ADGRL4: variants seen among roughly 807,000 people sequenced by gnomAD.
ADGRL4 encodes the protein adhesion G protein-coupled receptor L4.
Under a neutral mutation model 74.8 loss-of-function variants are expected in ADGRL4, and 90 were observed. The ratio of observed to expected loss-of-function variants is 1.20; its 90% CI spans 1.02 to 1.43. The LOEUF (loss-of-function observed/expected upper bound fraction) is 1.43. ADGRL4 is among the 40% of genes most tolerant of loss of function. The pLI is 0.00. For missense variants in ADGRL4, 881 were observed against 814.3 expected, an observed-to-expected ratio of 1.08 and a Z score of -1.00; for synonymous variants, 311 against 279.2, an observed-to-expected ratio of 1.11 and a Z score of -1.14.
chr1:78,989,995 G>C (rs1158351750), intron 2 of ADGRL4, among the ~76,000 whole-genome samples: 1 of 151,812 alleles, frequency 6.6e-6, no homozygotes, highest in African/African-American at 2.4e-5. Context: ...ACAATAAGCT[G>C]TAATTCTACT....
At chr1:78,988,990 T>C (rs768388102) in intron 2 of ADGRL4, among the ~76,000 whole-genome samples, 2 of 151,836 alleles carry the variant, frequency 1.3e-5, no homozygotes, top group Non-Finnish European at 2.9e-5. Context: ...ACTTCATATA[T>C]ACTAAAATCT....
Position 78,979,182 on chromosome 1 carries a change from C to T in ADGRL4, c.172+25888G>A, listed in dbSNP as rs142155434. ...CCTTCAAAAATAAACATTGTTTACG[C>T]AGTCATGAGATCTATATTCCTAAAA... is the stretch of plus-strand genomic sequence containing the variant. On this transcript the variant is annotated intron_variant, in intron 2 of 14. Coordinates refer to ENST00000370742, the MANE Select transcript of ADGRL4 (RefSeq NM_022159.4). 3.8e-3 allele frequency among the ~76,000 whole-genome samples: 571 copies of T among 152,032 alleles called. 6 individuals are homozygous for T. Among genetic ancestry groups the T allele is most frequent in the African/African-American group, 0.013 (546 of 41,512 alleles).
At chr1:78,916,016 C>G (rs1648862199) in intron 12 of ADGRL4, among the ~76,000 whole-genome samples, 1 of 151,742 alleles carries the variant, frequency 6.6e-6, no homozygotes, top group Non-Finnish European at 1.5e-5. Context: ...CATACAGAGA[C>G]TGTATGGGAG....
At chr1:78,962,159 G>C (rs956333870) in intron 2 of ADGRL4, among the ~76,000 whole-genome samples, 1 of 152,138 alleles carries the variant, frequency 6.6e-6, no homozygotes, top group African/African-American at 2.4e-5. Flanking sequence ...GGGATTACAG[G>C]CATGAGCCAC....
chr1:79,001,523 CTA>C (rs1381576350), intron 2 of ADGRL4, among the ~76,000 whole-genome samples: 1 of 152,092 alleles, frequency 6.6e-6, no homozygotes, highest in Non-Finnish European at 1.5e-5. Context: ...TTGATAAACT[CTA>C]TATTCTGGGT....
intron 8 of ADGRL4, among the ~76,000 whole-genome samples, chr1:78,925,909 T>C (rs141974724): frequency 7.0e-4 from 106 of 152,174 alleles, no homozygotes; most frequent in African/African-American, 2.4e-3. Context: ...AAAACGTCTT[T>C]TGCATTTAGC....
chr1:78,906,717 G>A (rs978866923), intron 12 of ADGRL4, among the ~76,000 whole-genome samples: 1 of 151,866 alleles, frequency 6.6e-6, no homozygotes, highest in Admixed American at 6.6e-5. Context: ...CATTTCAAAG[G>A]AAGTTTATAA....
rs886779831 is a variant in ADGRL4 at position 78,986,967 on chromosome 1, G to A, written c.172+18103C>T. On this transcript the variant is annotated intron_variant, in intron 2 of 14. Coordinates refer to ENST00000370742, the MANE Select transcript of ADGRL4 (RefSeq NM_022159.4). ...AAAGCATATATATCATGAAACTAACGAGGTATGTCATGAAACAAAGTAGAT... is the reference window on the plus strand; with the variant it reads ...AAAGCATATATATCATGAAACTAACAAGGTATGTCATGAAACAAAGTAGAT... Among the ~76,000 whole-genome samples the A allele has an allele frequency of 2.6e-5, 4 of 151,716 alleles. No individual in the cohort carries two copies. In the East Asian group the frequency reaches 7.7e-4, roughly 29 times the overall value.
chr1:78,905,202 A>G (rs1382695923), intron 12 of ADGRL4, among the ~76,000 whole-genome samples: 1 of 152,084 alleles, frequency 6.6e-6, no homozygotes, highest in African/African-American at 2.4e-5. Flanking sequence ...GAGTAAGTTG[A>G]GCATTTATCA....
At chr1:78,958,884 T>G (rs1012362741) in intron 2 of ADGRL4, among the ~76,000 whole-genome samples, 1 of 152,186 alleles carries the variant, frequency 6.6e-6, no homozygotes, top group Non-Finnish European at 1.5e-5. Context: ...TGTCTTGTTT[T>G]AAGAAATTGT....
intron 8 of ADGRL4, among the ~76,000 whole-genome samples, chr1:78,925,980 C>T (rs1649104348): frequency 6.6e-6 from 1 of 151,886 alleles, no homozygotes; most frequent in Non-Finnish European, 1.5e-5. Context: ...CTTCTTTTTC[C>T]CTCAACATAG....
chr1:78,914,811 G>T (rs1308576413), intron 12 of ADGRL4, among the ~76,000 whole-genome samples: 1 of 151,672 alleles, frequency 6.6e-6, no homozygotes, highest in Non-Finnish European at 1.5e-5. Context: ...CTACTGCTAG[G>T]GATCCACAAC....
At chr1:78,976,213 T>C (rs1000587487) in intron 2 of ADGRL4, among the ~76,000 whole-genome samples, 4 of 151,910 alleles carry the variant, frequency 2.6e-5, no homozygotes, top group Non-Finnish European at 5.9e-5. Context: ...GGTCCCCTTG[T>C]AGATTCAGCA....
intron 12 of ADGRL4, among the ~76,000 whole-genome samples, chr1:78,911,074 A>G (rs1648752916): frequency 6.6e-6 from 1 of 151,864 alleles, no homozygotes; most frequent in South Asian, 2.1e-4. Context: ...ACTGATTTAT[A>G]TATTACCTCA....
At chr1:78,994,024 G>A (rs554958755) in intron 2 of ADGRL4, among the ~76,000 whole-genome samples, 58 of 152,242 alleles carry the variant, frequency 3.8e-4, no homozygotes, top group Non-Finnish European at 6.3e-4. Flanking sequence ...ACCATTACAA[G>A]GCATTAGTGC....
chr1:78,895,105 C>A (rs979058469), intron 12 of ADGRL4, among the ~76,000 whole-genome samples: 1 of 151,944 alleles, frequency 6.6e-6, no homozygotes, highest in African/African-American at 2.4e-5. Flanking sequence ...TGCTGCTGGG[C>A]AAGTGGGAGA....
chr1:78,931,287 T>C (rs1020897069), intron 7 of ADGRL4, among the ~76,000 whole-genome samples: 1 of 151,332 alleles, frequency 6.6e-6, no homozygotes, highest in African/African-American at 2.5e-5. Context: ...CAACATTCTT[T>C]AAGAAAAGAA....
At chr1:78,917,155 G>GAC (rs567657281) in intron 12 of ADGRL4, among the ~76,000 whole-genome samples, 45 of 151,758 alleles carry the variant, frequency 3.0e-4, no homozygotes, top group Non-Finnish European at 6.0e-4. Context: ...CTATAAAGAT[G>GAC]ACAGTCTAAT....
intron 8 of ADGRL4, among the ~76,000 whole-genome samples, chr1:78,923,809 A>G (rs1649050871): frequency 1.3e-5 from 2 of 151,806 alleles, no homozygotes; most frequent in Admixed American, 1.3e-4. Flanking sequence ...AGGAATGAAA[A>G]AGTTTAAAAA....
Sources: gnomAD v4.1 joint callset for allele counts (sites outside exome capture counted in the v4.1 genomes callset) on GRCh38, gnomAD v4.1.1 for gene constraint, MANE v1.5 for transcripts, NCBI Gene and HGNC (gene_info 2026-07-23, HGNC 2026-07-21) for gene names.